EPS15: variants seen among roughly 807,000 people sequenced by gnomAD.
EPS15 encodes epidermal growth factor receptor substrate 15.
A neutral mutation model predicts 113.8 loss-of-function variants in EPS15; 72 were observed. That is an observed-to-expected ratio of 0.63 (90% CI 0.52 to 0.77). The LOEUF is 0.77. Among genes scored for constraint, EPS15 ranks in the 30% least tolerant of loss-of-function variants. The pLI is 0.00. For missense variants in EPS15, 1,048 were observed against 1,045.8 expected, an observed-to-expected ratio of 1.00 and a Z score of -0.03; for synonymous variants, 344 against 363.4, an observed-to-expected ratio of 0.95 and a Z score of 0.61.
intron 8 of EPS15, among the ~76,000 whole-genome samples, chr1:51,457,096 A>C (rs1654057348): frequency 1.3e-5 from 2 of 151,916 alleles, no homozygotes; most frequent in Non-Finnish European, 1.5e-5. Flanking sequence ...CCATCCTGGC[A>C]AACACAGTGA....
chr1:51,439,934 T>A (rs768761866), intron 12 of EPS15, among the ~76,000 whole-genome samples: 2 of 152,132 alleles, frequency 1.3e-5, no homozygotes, highest in Non-Finnish European at 2.9e-5. Flanking sequence ...ATGTATTAAA[T>A]GATAATGTTT....
chr1:51,375,570 T>C (rs1439644005), intron 21 of EPS15, among the ~76,000 whole-genome samples: 1 of 152,146 alleles, frequency 6.6e-6, no homozygotes, highest in Non-Finnish European at 1.5e-5. Context: ...AGAATCTCAG[T>C]AGTTTCCAGA....
intron 13 of EPS15, 63 bp downstream of exon 13, chr1:51,421,723 A>G (rs1650776236): frequency 1.0e-6 from 1 of 962,534 alleles, no homozygotes; most frequent in Non-Finnish European, 1.5e-6. Context: ...GTAAATAACC[A>G]TATAAATTTA....
At chr1:51,430,997 C>CACAT (rs1651676084) in intron 12 of EPS15, among the ~76,000 whole-genome samples, 1 of 147,780 alleles carries the variant, frequency 6.8e-6, no homozygotes, top group East Asian at 1.9e-4. Flanking sequence ...CACACACACA[C>CACAT]ACACACACAC....
intron 11 of EPS15, among the ~76,000 whole-genome samples, chr1:51,443,529 A>G (rs1652764141): frequency 6.6e-6 from 1 of 152,204 alleles, no homozygotes; most frequent in African/African-American, 2.4e-5. Context: ...CACAAAGCAG[A>G]TAATAAAATA....
chr1:51,355,551 A>G lies in EPS15; in HGVS notation c.*1149T>C, dbSNP rs183113617. 4.2e-3 allele frequency: 806 copies of G among 192,444 alleles called. 4 individuals carry two copies. Among genetic ancestry groups the G allele is most frequent in the Non-Finnish European group, 6.1e-3 (561 of 92,216 alleles). 11.9% of individuals were successfully genotyped at this position (192,444 alleles called of 1,614,324 possible). A position where few individuals can be genotyped will look rare whatever the true frequency, so the allele number is the denominator to read the frequency against. On this transcript the variant is annotated 3_prime_UTR_variant, in exon 25 of 25. Transcript: ENST00000371733. ...CTCTTCTCTCCCAATTAAAAAAACA[A>G]GAGTTTTTTTGCTAGCTTGACAATT...
At position 51,397,829 on chromosome 1, in the gene EPS15, T is replaced by G. The variant is rs930761784; in HGVS notation, c.2052+1203A>C. Among the ~76,000 whole-genome samples, 37 of 152,288 alleles carry G rather than the reference T, an allele frequency of 2.4e-4. 1 individual carries two copies. Among genetic ancestry groups the G allele is most frequent in the African/African-American group, 8.9e-4 (37 of 41,550 alleles). ...AGTACTAGAAGACAAATTTTTTGCT[T>G]CAAATGCTTCTCAGTTAACTGGTCC... On this transcript the variant is annotated intron_variant, in intron 20 of 24. Coordinates refer to ENST00000371733, the MANE Select transcript of EPS15 (RefSeq NM_001981.3).
At chr1:51,385,416 G>A (rs1557786476) in intron 21 of EPS15, among the ~76,000 whole-genome samples, 1 of 152,166 alleles carries the variant, frequency 6.6e-6, no homozygotes, top group Non-Finnish European at 1.5e-5. Context: ...GTAAGGGTTG[G>A]CAAAGATGTG....
intron 1 of EPS15, among the ~76,000 whole-genome samples, chr1:51,502,631 T>C (rs1187039463): frequency 6.6e-6 from 1 of 152,198 alleles, no homozygotes; most frequent in Non-Finnish European, 1.5e-5. Context: ...TATGTTCAGA[T>C]GGTTACAGGA....
At chr1:51,483,684 T>A (rs1644065140) in intron 1 of EPS15, among the ~76,000 whole-genome samples, 1 of 151,956 alleles carries the variant, frequency 6.6e-6, no homozygotes, top group Non-Finnish European at 1.5e-5. Context: ...TGCATGCCTA[T>A]AATCCCAGCT....
chr1:51,448,040 A>G lies in EPS15; in HGVS notation c.651+6T>C, dbSNP rs746031890. 6.2e-7 allele frequency: 1 copy of G among 1,613,532 alleles called. No individual in the cohort carries two copies. Among genetic ancestry groups the G allele is most frequent in the South Asian group, 1.1e-5 (1 of 91,060 alleles). Reference sequence around the variant, plus strand: ...GGATCAACCGCACAGAGCCTGATATACTGACCGTTTTTCTCTTAGATGGTG... The same window carrying G: ...GGATCAACCGCACAGAGCCTGATATGCTGACCGTTTTTCTCTTAGATGGTG... On this transcript the variant is annotated splice_donor_region_variant and intron_variant, in intron 9 of 24. Transcript: ENST00000371733.
intron 8 of EPS15, among the ~76,000 whole-genome samples, chr1:51,451,924 T>C (rs1653603293): frequency 6.6e-6 from 1 of 152,058 alleles, no homozygotes; most frequent in Admixed American, 6.6e-5. Flanking sequence ...TTGGTTTGTT[T>C]TTTGCCCAGC....
At chr1:51,426,837 C>CTCTCTATATATATATA (rs377211027) in intron 12 of EPS15, among the ~76,000 whole-genome samples, 1 of 143,568 alleles carries the variant, frequency 7.0e-6, no homozygotes, top group African/African-American at 2.6e-5. Context: ...CTCTCTCTCT[C>CTCTCTATATATATATA]TATATATATA....
chr1:51,466,125 T>TA (rs1654826316), intron 5 of EPS15, among the ~76,000 whole-genome samples: 1 of 149,376 alleles, frequency 6.7e-6, no homozygotes, highest in African/African-American at 2.5e-5. Context: ...TAAAACAATG[T>TA]AACATCAGCA....
intron 6 of EPS15, among the ~76,000 whole-genome samples, chr1:51,464,030 C>T (rs1654667768): frequency 6.6e-6 from 1 of 152,126 alleles, no homozygotes; most frequent in Non-Finnish European, 1.5e-5. Context: ...GTTGCCCATT[C>T]TTTTTGTAGC....
intron 1 of EPS15, among the ~76,000 whole-genome samples, chr1:51,508,286 G>A (rs1318014160): frequency 7.1e-6 from 1 of 141,542 alleles, no homozygotes; most frequent in African/African-American, 2.7e-5. Flanking sequence ...GAGAGAAAGA[G>A]AGAAAGAGAG....
intron 21 of EPS15, among the ~76,000 whole-genome samples, chr1:51,390,362 C>A (rs1272585342): frequency 1.3e-5 from 2 of 152,092 alleles, no homozygotes; most frequent in Non-Finnish European, 2.9e-5. Flanking sequence ...CATAAAAACC[C>A]TAGAAGAAAA....
intron 21 of EPS15, among the ~76,000 whole-genome samples, chr1:51,388,892 A>G (rs1371626471): frequency 6.6e-6 from 1 of 151,786 alleles, no homozygotes; most frequent in East Asian, 1.9e-4. Flanking sequence ...CAGAGGTACA[A>G]GGAGGAACTG....
At chr1:51,472,441 C>T (rs1361055157) in intron 3 of EPS15, among the ~76,000 whole-genome samples, 1 of 152,066 alleles carries the variant, frequency 6.6e-6, no homozygotes, top group Non-Finnish European at 1.5e-5. Flanking sequence ...AAGGAGTAGA[C>T]AGGGGAGGGG....
Sources: gnomAD v4.1 joint callset for allele counts (sites outside exome capture counted in the v4.1 genomes callset) on GRCh38, gnomAD v4.1.1 for gene constraint, MANE v1.5 for transcripts, NCBI Gene and HGNC (gene_info 2026-07-23, HGNC 2026-07-21) for gene names.